Variants in PCDHA7 observed in about 807,000 individuals in gnomAD.
PCDHA7 encodes the protein protocadherin alpha 7.
PCDHA7 carries 37 observed loss-of-function variants against 57.2 expected under a neutral mutation model. The observed-to-expected ratio is 0.65, with a 90% CI of 0.50 to 0.85. The LOEUF (loss-of-function observed/expected upper bound fraction) is 0.85. PCDHA7 is among the 40% of genes least tolerant of loss of function. The pLI is 0.00. For missense variants in PCDHA7, 1,188 were observed against 1,241.8 expected, an observed-to-expected ratio of 0.96 and a Z score of 0.65; for synonymous variants, 553 against 558.8, an observed-to-expected ratio of 0.99 and a Z score of 0.15.
rs191873949 is a variant in PCDHA7 at position 140,855,986 on chromosome 5, G to T, written c.2355+19248G>T. On this transcript the variant is annotated intron_variant, in intron 1 of 3. Transcript: ENST00000525929. ...AGATATAAGAAATAGGACAGAAAATGTCAGATCGTATGTGCGTTCTAGACC... is the reference window on the plus strand; with the variant it reads ...AGATATAAGAAATAGGACAGAAAATTTCAGATCGTATGTGCGTTCTAGACC... The T allele has an allele frequency of 1.8e-5, 27 of 1,477,576 alleles. 1 individual carries two copies. Among genetic ancestry groups the T allele is most frequent in the South Asian group, 1.6e-4 (12 of 75,402 alleles). The allele number at this position is 1,477,576 out of a possible 1,614,324, so 91.5% of individuals were successfully genotyped here. A position where few individuals can be genotyped will look rare whatever the true frequency, so the allele number is the denominator to read the frequency against.
intron 1 of PCDHA7, among the ~76,000 whole-genome samples, chr5:140,840,609 G>A (rs1554137827): frequency 1.3e-5 from 2 of 151,994 alleles, no homozygotes; most frequent in Admixed American, 1.3e-4. Context: ...TAAGTGAGAG[G>A]CTGAATTTAA....
chr5:140,927,995 AC>A, intron 1 of PCDHA7: 5 of 1,614,042 alleles, frequency 3.1e-6, no homozygotes, highest in Non-Finnish European at 4.2e-6. Flanking sequence ...AAGGATGAAG[AC>A]CTCGATTCTA....
At chr5:140,992,152 A>G (rs1440263664) in intron 3 of PCDHA7, among the ~76,000 whole-genome samples, 2 of 152,004 alleles carry the variant, frequency 1.3e-5, no homozygotes, top group Non-Finnish European at 2.9e-5. Context: ...ACTTTGCTCA[A>G]TCAAGAAGTG....
chr5:140,893,528 G>C (rs541953324), intron 1 of PCDHA7, among the ~76,000 whole-genome samples: 2 of 152,254 alleles, frequency 1.3e-5, no homozygotes, highest in Admixed American at 6.5e-5. Context: ...ACTCCTTTAA[G>C]TATTTCTTGT....
At chr5:140,866,644 T>A (rs531566613) in intron 1 of PCDHA7, 14 of 152,184 alleles carry the variant, frequency 9.2e-5, no homozygotes, top group Non-Finnish European at 1.6e-4. Context: ...GTGTCAAAAT[T>A]TATTTATGTG....
chr5:140,976,982 T>G (rs1348911349), intron 1 of PCDHA7, among the ~76,000 whole-genome samples: 1 of 152,240 alleles, frequency 6.6e-6, no homozygotes, highest in African/African-American at 2.4e-5. Flanking sequence ...CTGCCTGATC[T>G]TACTGCCATA....
At chr5:140,971,038 A>G (rs948457676) in intron 1 of PCDHA7, among the ~76,000 whole-genome samples, 4 of 152,216 alleles carry the variant, frequency 2.6e-5, no homozygotes, top group Non-Finnish European at 5.9e-5. Context: ...GAAAGCACGT[A>G]AAAGGGTTTA....
chr5:140,997,814 T>C (rs2097786801), intron 3 of PCDHA7, among the ~76,000 whole-genome samples: 1 of 152,212 alleles, frequency 6.6e-6, no homozygotes, highest in Admixed American at 6.5e-5. Context: ...GCTGTTGGTA[T>C]CTATGTTTTC....
chr5:140,849,084 C>T, intron 1 of PCDHA7: 1 of 1,514,880 alleles, frequency 6.6e-7, no homozygotes. Context: ...ACTTGTATTA[C>T]GGAAACTTTT....
At chr5:140,887,204 C>T (rs1438790748) in intron 1 of PCDHA7, among the ~76,000 whole-genome samples, 7 of 151,828 alleles carry the variant, frequency 4.6e-5, no homozygotes, top group African/African-American at 1.5e-4. Flanking sequence ...TCACGCCATT[C>T]TCCTGCCTCA....
intron 1 of PCDHA7, among the ~76,000 whole-genome samples, chr5:140,874,280 C>CA (rs1218640311): frequency 6.6e-6 from 1 of 152,146 alleles, no homozygotes; most frequent in Non-Finnish European, 1.5e-5. Context: ...AATAGACTTA[C>CA]AAAATCTATG....
rs151084513 is a variant in PCDHA7, at chr5:140,927,608, G to T, written c.2356-51341G>T. The T allele has an allele frequency of 1.2e-6, 2 of 1,614,168 alleles. No individual in the cohort carries two copies. The highest frequency in any genetic ancestry group is 3.3e-4 in the Middle Eastern group (2 of 6,062). Reference sequence around the variant, plus strand: ...CCTGTATTTGAGCGCTCCGTATACCGCACCAAGGTTCCAGAGACTGCACCC... The same window carrying T: ...CCTGTATTTGAGCGCTCCGTATACCTCACCAAGGTTCCAGAGACTGCACCC... On this transcript the variant is annotated intron_variant, in intron 1 of 3. Coordinates refer to ENST00000525929, the MANE Select transcript of PCDHA7 (RefSeq NM_018910.3).
chr5:140,945,455 A>G (rs2093793181), intron 1 of PCDHA7, among the ~76,000 whole-genome samples: 1 of 152,192 alleles, frequency 6.6e-6, no homozygotes, highest in African/African-American at 2.4e-5. Flanking sequence ...AACTTCCCTA[A>G]AATTTGCATG....
intron 1 of PCDHA7, among the ~76,000 whole-genome samples, chr5:140,919,088 T>C (rs2153552205): frequency 6.6e-6 from 1 of 152,378 alleles, no homozygotes; most frequent in South Asian, 2.1e-4. Context: ...TATTGAATTG[T>C]CTATTTCTCC....
chr5:140,836,216 G>C lies in PCDHA7; in HGVS notation c.1833G>C (p.Leu611Phe), dbSNP rs1311247537. The change falls in exon 1 of 4, where the codon TTG becomes TTC. Residue 611 changes from leucine (L) to phenylalanine (F), a missense_variant. Leu to Phe is a conservative substitution (Grantham distance 22). Coordinates refer to ENST00000525929, the MANE Select transcript of PCDHA7 (RefSeq NM_018910.3). ...SGYNAWLSYE[L>F]QPVAAGASIP... is the part of the protein sequence containing the mutation. The stretch of plus-strand genomic sequence containing the variant: ...ACAACGCGTGGCTTTCGTATGAGTT[G>C]CAACCGGTGGCGGCCGGTGCGAGCA... The C allele has an allele frequency of 1.2e-6, 2 of 1,613,724 alleles. No individual in the cohort carries two copies. Among genetic ancestry groups the C allele is most frequent in the East Asian group, 4.5e-5 (2 of 44,868 alleles).
rs2150334258 is a variant in PCDHA7 at position 140,842,331 on chromosome 5, T to A, written c.2355+5593T>A. 3.4e-5 allele frequency: 55 copies of A among 1,607,694 alleles called. No individual in the cohort carries two copies. The East Asian group carries it at 1.2e-3, about 35-fold the overall frequency. On this transcript the variant is annotated intron_variant, in intron 1 of 3. Coordinates refer to ENST00000525929, the MANE Select transcript of PCDHA7 (RefSeq NM_018910.3). ...CCCATGGCGGGTCATTGCACCGTTT[T>A]AGTGAGAATTTTGGATAAAAATGAT...
intron 1 of PCDHA7, among the ~76,000 whole-genome samples, chr5:140,964,434 G>A (rs1332567720): frequency 6.6e-6 from 1 of 152,104 alleles, no homozygotes; most frequent in Non-Finnish European, 1.5e-5. Context: ...AAATTACCAA[G>A]CCTCTGCCAC....
At chr5:140,952,879 G>C (rs1325308016) in intron 1 of PCDHA7, among the ~76,000 whole-genome samples, 1 of 152,094 alleles carries the variant, frequency 6.6e-6, no homozygotes, top group Non-Finnish European at 1.5e-5. Context: ...TTACAATCAT[G>C]GTGGAAGGCA....
chr5:140,969,257 A>G, intron 1 of PCDHA7: 1 of 1,614,220 alleles, frequency 6.2e-7, no homozygotes, highest in Non-Finnish European at 8.5e-7. Context: ...TGACAGCAGG[A>G]ATCTCACAGG....
Sources: allele counts gnomAD v4.1 joint callset (sites outside exome capture counted in the v4.1 genomes callset), GRCh38; gene constraint gnomAD v4.1.1; transcripts MANE v1.5; gene names NCBI Gene and HGNC (gene_info 2026-07-23, HGNC 2026-07-21).